EYS: variants seen among roughly 807,000 people sequenced by gnomAD.
The protein encoded by EYS is EGF-like photoreceptor maintenance factor, also known as protein eyes shut homolog.
In EYS, 250 loss-of-function variants were observed where a neutral mutation model predicts 282.1. The ratio of observed to expected loss-of-function variants is 0.89; its 90% confidence interval spans 0.80 to 0.98. The LOEUF (loss-of-function observed/expected upper bound fraction) is 0.98, where lower values mean the gene tolerates loss of function less well. Ranked by LOEUF, EYS falls within the 50% of genes least tolerant of loss-of-function variation. EYS has a pLI of 0.00. For synonymous variants in EYS, 1,355 were observed against 1,282.9 expected (o/e 1.06, Z -1.20); for missense variants, 4,016 against 3,709.0 (o/e 1.08, Z -2.15).
chr6:64,342,818 G>C (rs540251921), intron 29 of EYS, among the ~76,000 whole-genome samples: 56 of 152,084 alleles, frequency 3.7e-4, no homozygotes, highest in African/African-American at 1.2e-3. Flanking sequence ...CCCATCTCAC[G>C]TGCAGAGACA....
At chr6:64,496,522 G>A (rs1312834056) in intron 26 of EYS, among the ~76,000 whole-genome samples, 1 of 151,780 alleles carries the variant, frequency 6.6e-6, no homozygotes, top group African/African-American at 2.4e-5. Context: ...TATTGTCATT[G>A]TCTCATTCTA....
At chr6:64,616,876 G>A (rs1004785854) in intron 24 of EYS, among the ~76,000 whole-genome samples, 1 of 151,862 alleles carries the variant, frequency 6.6e-6, no homozygotes, top group African/African-American at 2.4e-5. Flanking sequence ...CTATATTCAT[G>A]GGCTGCGGTC....
chr6:65,549,882 G>C (rs2127331226), intron 2 of EYS, among the ~76,000 whole-genome samples: 1 of 152,266 alleles, frequency 6.6e-6, no homozygotes, highest in South Asian at 2.1e-4. Context: ...GATTACATTA[G>C]TCAGGGAGAT....
chr6:64,935,441 T>C (rs765596574), intron 15 of EYS, among the ~76,000 whole-genome samples: 1 of 151,618 alleles, frequency 6.6e-6, no homozygotes, highest in Non-Finnish European at 1.5e-5. Context: ...ACTAAATTCA[T>C]AGCAAAAGGA....
chr6:63,935,395 A>G (rs1036784170), intron 35 of EYS, among the ~76,000 whole-genome samples: 2 of 152,252 alleles, frequency 1.3e-5, no homozygotes, highest in Admixed American at 6.5e-5. Context: ...CCCAAAATTC[A>G]TATGCTGAAG....
Position 64,754,446 on chromosome 6 carries a change from C to T in EYS, c.3443+58932G>A, listed in dbSNP as rs141479424. Among the ~76,000 whole-genome samples, 1,444 of 152,098 alleles carry T rather than the reference C, an allele frequency of 9.5e-3. 24 individuals carry two copies. The highest frequency in any genetic ancestry group is 0.033 in the African/African-American group (1,357 of 41,506). ...TGGACTGATCCTACTGAAACTGTTC[C>T]AAAAAGTTGAATAGGAGGGATTCCT... On this transcript the variant is annotated intron_variant, in intron 22 of 42. Transcript: ENST00000503581.
Position 64,940,739 on chromosome 6 carries a change from C to G in EYS, c.2381+5054G>C, listed in dbSNP as rs182465380. On this transcript the variant is annotated intron_variant, in intron 15 of 42. Coordinates refer to ENST00000503581, the MANE Select transcript of EYS (RefSeq NM_001142800.2). ...CACATAGTATCTATGCCATTATTGC[C>G]AGCTATTGTGGAATTCAATTTAATA... Among the ~76,000 whole-genome samples, 340 of 151,764 alleles carry G rather than the reference C, an allele frequency of 2.2e-3. 3 individuals are homozygous for G. Among genetic ancestry groups the G allele is most frequent in the Non-Finnish European group, 6.8e-4 (46 of 67,894 alleles).
intron 2 of EYS, among the ~76,000 whole-genome samples, chr6:65,582,090 G>T (rs934713193): frequency 1.3e-5 from 2 of 151,620 alleles, no homozygotes; most frequent in African/African-American, 4.8e-5. Flanking sequence ...CAGCTACTCG[G>T]GAGGCTGAGG....
At chr6:63,733,937 A>C (rs1768843433) in intron 41 of EYS, among the ~76,000 whole-genome samples, 1 of 152,144 alleles carries the variant, frequency 6.6e-6, no homozygotes, top group Non-Finnish European at 1.5e-5. Flanking sequence ...CTACACAAAC[A>C]TATTTGAAAA....
chr6:63,777,506 C>T (rs1381441534), intron 40 of EYS: 1 of 153,376 alleles, frequency 6.5e-6, no homozygotes, highest in East Asian at 1.9e-4. Context: ...ACTACTTTTG[C>T]ATAGACGAGA....
intron 2 of EYS, among the ~76,000 whole-genome samples, chr6:65,610,418 G>A (rs986951639): frequency 3.9e-5 from 6 of 151,976 alleles, no homozygotes; most frequent in East Asian, 1.9e-4. Flanking sequence ...AAAAGGATAC[G>A]CAGATAAATT....
At chr6:65,057,579 A>G (rs1304909068) in intron 13 of EYS, 35 bp downstream of exon 13, 3 of 1,255,944 alleles carry the variant, frequency 2.4e-6, no homozygotes, top group Admixed American at 2.0e-5. Flanking sequence ...AAAGTTAATT[A>G]TGTTTGCTTT....
chr6:64,486,825 T>A (rs950582743), intron 26 of EYS, among the ~76,000 whole-genome samples: 3 of 151,292 alleles, frequency 2.0e-5, no homozygotes, highest in Non-Finnish European at 4.4e-5. Context: ...TTAAGAGAGA[T>A]AACTAGGGAA....
chr6:64,092,991 C>A (rs1311261979), intron 31 of EYS, among the ~76,000 whole-genome samples: 1 of 151,766 alleles, frequency 6.6e-6, no homozygotes, highest in Admixed American at 6.6e-5. Flanking sequence ...GTTTTCCCAG[C>A]ACCATTTATT....
intron 30 of EYS, among the ~76,000 whole-genome samples, chr6:64,285,224 C>G (rs1768453593): frequency 6.6e-6 from 1 of 150,740 alleles, no homozygotes; most frequent in Non-Finnish European, 1.5e-5. Flanking sequence ...CAAATCACCT[C>G]TTGAATGCTT....
chr6:64,111,808 G>C (rs761588977), intron 31 of EYS, among the ~76,000 whole-genome samples: 7 of 151,988 alleles, frequency 4.6e-5, no homozygotes, highest in Non-Finnish European at 1.5e-5. Context: ...TGAAAGTCCT[G>C]TGAAATGGTA....
At chr6:63,990,824 T>A (rs1767572162) in intron 34 of EYS, among the ~76,000 whole-genome samples, 1 of 151,504 alleles carries the variant, frequency 6.6e-6, no homozygotes, top group African/African-American at 2.4e-5. Flanking sequence ...AAAAAGAGTT[T>A]TGGGAGGCTT....
At position 64,879,967 on chromosome 6, in the gene EYS, CTG is replaced by C. The variant is rs543312718; in HGVS notation, c.2992+6728_2992+6729del. The stretch of plus-strand genomic sequence containing the variant: ...GAAGTTGCTTCTGGAAGCAGGTCTG[CTG>C]TGTTTTATATTATTCTCCCACCTCC... On this transcript the variant is annotated intron_variant, in intron 19 of 42. Transcript: ENST00000503581. 9.9e-4 allele frequency among the ~76,000 whole-genome samples: 150 copies of C among 152,062 alleles called. 1 individual carries two copies. The highest frequency in any genetic ancestry group is 3.1e-3 in the South Asian group (15 of 4,824).
rs142932776 is a variant in EYS, at chr6:64,993,444, C to T, written c.2259+4138G>A. Among the ~76,000 whole-genome samples the T allele has an allele frequency of 2.5e-3, 374 of 151,266 alleles. 2 individuals are homozygous for T. The highest frequency in any genetic ancestry group is 8.4e-3 in the African/African-American group (346 of 41,232). On this transcript the variant is annotated intron_variant, in intron 14 of 42. Coordinates refer to ENST00000503581, the MANE Select transcript of EYS (RefSeq NM_001142800.2). ...CCTTTGTAGGAACATGGATGAAGCT[C>T]GAAACCATCATTCTCAGCAAACTAC...
Sources: allele counts gnomAD v4.1 joint callset (sites outside exome capture counted in the v4.1 genomes callset), GRCh38; gene constraint gnomAD v4.1.1; transcripts MANE v1.5; gene names NCBI Gene and HGNC (gene_info 2026-07-23, HGNC 2026-07-21).